The following WWOX variants were observed in gnomAD, a reference collection of about 807,000 sequenced individuals.
The protein encoded by WWOX is WW domain containing oxidoreductase, also known as WW domain-containing oxidoreductase.
Under a neutral mutation model 46.2 loss-of-function variants are expected in WWOX, and 69 were observed. The observed-to-expected ratio is 1.49, with a 90% CI of 1.23 to 1.82. The LOEUF is 1.82. Among genes scored for constraint, WWOX ranks in the 40% most tolerant of loss-of-function variants. The pLI is 0.00. For missense variants in WWOX, 919 were observed against 542.6 expected (o/e 1.69, Z -6.89); for synonymous variants, 359 against 202.6 (o/e 1.77, Z -6.56).
intron 4 of WWOX, among the ~76,000 whole-genome samples, chr16:78,163,095 G>C (rs1310504165): frequency 6.6e-6 from 1 of 152,022 alleles, no homozygotes; most frequent in Non-Finnish European, 1.5e-5. Context: ...ATTTCCATTT[G>C]TTCCCCTCTG....
chr16:78,828,957 C>T (rs1252367496), intron 8 of WWOX, among the ~76,000 whole-genome samples: 1 of 152,152 alleles, frequency 6.6e-6, no homozygotes, highest in Non-Finnish European at 1.5e-5. Context: ...AAGGGACTTG[C>T]CAAAGCGACA....
chr16:78,132,817 A>T (rs1044727855), intron 4 of WWOX, among the ~76,000 whole-genome samples: 8 of 152,162 alleles, frequency 5.3e-5, no homozygotes, highest in African/African-American at 1.9e-4. Flanking sequence ...GCTGGTTATT[A>T]ATCTGACAAT....
chr16:78,139,702 G>A (rs534524344), intron 4 of WWOX, among the ~76,000 whole-genome samples: 4 of 152,146 alleles, frequency 2.6e-5, no homozygotes, highest in South Asian at 2.1e-4. Context: ...AATGTTTTAA[G>A]AGTTCTTTGT....
At chr16:78,404,780 T>C (rs776554295) in intron 6 of WWOX, among the ~76,000 whole-genome samples, 3 of 152,186 alleles carry the variant, frequency 2.0e-5, no homozygotes, top group Non-Finnish European at 4.4e-5. Flanking sequence ...CCATCCTTAC[T>C]GCACTTAAAG....
intron 8 of WWOX, among the ~76,000 whole-genome samples, chr16:78,802,546 A>G (rs772282785): frequency 3.3e-5 from 5 of 152,066 alleles, no homozygotes; most frequent in Non-Finnish European, 5.9e-5. Context: ...TTTCCCCAAA[A>G]CTTAGTCACT....
chr16:78,960,455 C>T (rs935603106), intron 8 of WWOX, among the ~76,000 whole-genome samples: 1 of 152,210 alleles, frequency 6.6e-6, no homozygotes, highest in African/African-American at 2.4e-5. Context: ...ACTGTCACTT[C>T]ATGAAAATCA....
At chr16:78,334,444 C>A (rs547793865) in intron 5 of WWOX, among the ~76,000 whole-genome samples, 16 of 152,188 alleles carry the variant, frequency 1.1e-4, no homozygotes, top group African/African-American at 3.6e-4. Flanking sequence ...ATGAGTGAAC[C>A]ATTAAAGATA....
intron 8 of WWOX, among the ~76,000 whole-genome samples, chr16:78,464,425 C>T (rs1402777180): frequency 6.6e-6 from 1 of 152,060 alleles, no homozygotes; most frequent in Non-Finnish European, 1.5e-5. Context: ...AGTTAATGCT[C>T]CGTTTCTAGT....
At chr16:78,356,019 T>C (rs954891522) in intron 5 of WWOX, among the ~76,000 whole-genome samples, 9 of 148,324 alleles carry the variant, frequency 6.1e-5, no homozygotes, top group Admixed American at 5.4e-4. Flanking sequence ...AATGGTATTT[T>C]CGTTTTTCTC....
intron 8 of WWOX, among the ~76,000 whole-genome samples, chr16:78,579,670 T>C (rs1175712661): frequency 6.6e-6 from 1 of 152,220 alleles, no homozygotes; most frequent in African/African-American, 2.4e-5. Context: ...TCTGTCTCTA[T>C]CACATTACCG....
chr16:78,865,358 G>T (rs2043981090), intron 8 of WWOX, among the ~76,000 whole-genome samples: 1 of 152,052 alleles, frequency 6.6e-6, no homozygotes, highest in African/African-American at 2.4e-5. Context: ...CTTAAAAGAA[G>T]TACGTCAGGT....
At position 78,797,981 on chromosome 16, in the gene WWOX, C is replaced by T. The variant is rs1416945232; in HGVS notation, c.1056+365229C>T. 2.0e-5 allele frequency among the ~76,000 whole-genome samples: 3 copies of T among 152,148 alleles called. No individual in the cohort carries two copies. In the East Asian group the frequency reaches 5.8e-4, roughly 29 times the overall value. On this transcript the variant is annotated intron_variant, in intron 8 of 8. Coordinates refer to ENST00000566780, the MANE Select transcript of WWOX (RefSeq NM_016373.4). ...CAACCCTGGGTGACAGGGTGAGACC[C>T]TGTCTCTAAAAACAAAAGCAAAGTC...
At chr16:78,155,956 C>T (rs1204828336) in intron 4 of WWOX, among the ~76,000 whole-genome samples, 1 of 152,208 alleles carries the variant, frequency 6.6e-6, no homozygotes, top group Non-Finnish European at 1.5e-5. Flanking sequence ...TATTGTCCTT[C>T]CTGTTAAACT....
Position 78,654,506 on chromosome 16 carries a change from G to T in WWOX, c.1056+221754G>T, listed in dbSNP as rs140242149. ...ATATTTTAATAAAAGTGGCAGAAAA[G>T]AAATAGGTAAAACAATAAACTGAGC... On this transcript the variant is annotated intron_variant, in intron 8 of 8. Coordinates refer to ENST00000566780, the MANE Select transcript of WWOX (RefSeq NM_016373.4). Among the ~76,000 whole-genome samples the T allele has an allele frequency of 7.2e-3, 1,093 of 152,230 alleles. 11 individuals carry two copies. Among genetic ancestry groups the T allele is most frequent in the African/African-American group, 0.018 (757 of 41,534 alleles).
chr16:78,563,568 G>A (rs2044492198), intron 8 of WWOX, among the ~76,000 whole-genome samples: 1 of 146,516 alleles, frequency 6.8e-6, no homozygotes, highest in South Asian at 2.2e-4. Context: ...AGAACGTAAA[G>A]GTAGATTTTT....
At chr16:78,574,566 C>T (rs886260938) in intron 8 of WWOX, among the ~76,000 whole-genome samples, 1 of 152,080 alleles carries the variant, frequency 6.6e-6, no homozygotes, top group East Asian at 1.9e-4. Context: ...AGACTACTAC[C>T]TGTGTTGTCA....
chr16:78,432,731 G>A lies in WWOX; in HGVS notation c.1035G>A (p.Ala345=), dbSNP rs189695070. ...TGTACACACTGCTGTTTACCTTGGC[G>A]AGGCCTTTCACCAAGTCCATGGTAA... ...WWVYTLLFTL[A]RPFTKSMQQG... The change falls in exon 8 of 9, where the codon GCG becomes GCA. Residue 345 remains alanine, a synonymous_variant. Coordinates refer to ENST00000566780, the MANE Select transcript of WWOX (RefSeq NM_016373.4). 1.6e-3 allele frequency: 2,659 copies of A among 1,614,150 alleles called. 4 individuals are homozygous for A. Among genetic ancestry groups the A allele is most frequent in the Non-Finnish European group, 2.1e-3 (2,463 of 1,180,034 alleles).
intron 8 of WWOX, among the ~76,000 whole-genome samples, chr16:78,515,599 G>T (rs1339333326): frequency 1.3e-5 from 2 of 152,184 alleles, no homozygotes; most frequent in Non-Finnish European, 2.9e-5. Flanking sequence ...AGCTATCTCT[G>T]TGCAGAGCCA....
chr16:78,800,516 G>T (rs1490414708), intron 8 of WWOX, among the ~76,000 whole-genome samples: 1 of 152,134 alleles, frequency 6.6e-6, no homozygotes, highest in Non-Finnish European at 1.5e-5. Context: ...CTAGGAACGG[G>T]GGTAAGCCTA....
Sources: gnomAD v4.1 joint callset for allele counts (sites outside exome capture counted in the v4.1 genomes callset) on GRCh38, gnomAD v4.1.1 for gene constraint, MANE v1.5 for transcripts, NCBI Gene and HGNC (gene_info 2026-07-23, HGNC 2026-07-21) for gene names.